AKT3: variants seen among roughly 807,000 people sequenced by gnomAD.
The protein encoded by AKT3 is AKT serine/threonine kinase 3.
AKT3 carries 15 observed loss-of-function variants against 65.3 expected under a neutral mutation model. The ratio of observed to expected loss-of-function variants is 0.23; its 90% CI spans 0.15 to 0.35. The LOEUF is 0.35. Ranked by LOEUF, AKT3 falls within the 10% of genes least tolerant of loss-of-function variation. AKT3 has a pLI of 1.00. For missense variants in AKT3, 243 were observed against 576.5 expected (o/e 0.42, Z 5.92); for synonymous variants, 206 against 183.8 (o/e 1.12, Z -0.98).
At position 243,823,380 on chromosome 1, in the gene AKT3, T is replaced by TC. The variant is rs571445551; in HGVS notation, c.46+19744dup. Among the ~76,000 whole-genome samples, 32 of 152,248 alleles carry TC rather than the reference T, an allele frequency of 2.1e-4. No homozygotes were observed. The East Asian group carries it at 3.9e-3, about 18-fold the overall frequency. On this transcript the variant is annotated intron_variant, in intron 2 of 13. Coordinates refer to ENST00000673466, the MANE Select transcript of AKT3 (RefSeq NM_005465.7). ...AAACTGGCACAAGACAAGGATGCCC[T>TC]CTCCCACTATTCCTATTTAACATAG...
intron 10 of AKT3, among the ~76,000 whole-genome samples, chr1:243,563,258 T>C (rs1271097443): frequency 6.6e-6 from 1 of 152,206 alleles, no homozygotes; most frequent in Non-Finnish European, 1.5e-5. Context: ...GAGCTTCCTC[T>C]GACATAAATT....
intron 5 of AKT3, 101 bp downstream of exon 5, chr1:243,645,792 T>C (rs1457344615): frequency 1.3e-5 from 16 of 1,186,944 alleles, no homozygotes; most frequent in African/African-American, 3.1e-5. Flanking sequence ...TATTTACATA[T>C]CGTAAGAAAA....
In AKT3 at chr1:243,615,128, C is replaced by T; in HGVS notation, c.595G>A (p.Val199Ile). 6.2e-7 allele frequency: 1 copy of T among 1,609,906 alleles called. No individual in the cohort carries two copies. The highest frequency in any genetic ancestry group is 2.2e-5 in the East Asian group (1 of 44,710). The change falls in exon 7 of 14, where the codon GTA (valine) becomes ATA (isoleucine). Residue 199 changes from valine to isoleucine, a missense_variant. Physicochemically the swap from Val to Ile is conservative, Grantham distance 29 (BLOSUM62 3). Around this residue, in one of 6 missense-constraint regions of AKT3, gnomAD observed 61 missense variants for 163.3 expected, o/e 0.37. Coordinates refer to ENST00000673466, the MANE Select transcript of AKT3 (RefSeq NM_005465.7). ...AAGGGATGTCTAGTGTTCTTTAATA[C>T]TCTGCTTTCAGTTAGAGTGTGTGCC... ...EVAHTLTESRVLKNTRHPFLT... is the reference protein window; with the variant it reads ...EVAHTLTESRILKNTRHPFLT...
chr1:243,644,857 T>C (rs933415838), intron 5 of AKT3, among the ~76,000 whole-genome samples: 5 of 152,188 alleles, frequency 3.3e-5, no homozygotes, highest in Non-Finnish European at 5.9e-5. Flanking sequence ...GTTTTTCTTT[T>C]TGCAATGATG....
At chr1:243,532,457 C>G (rs895406544) in intron 12 of AKT3, among the ~76,000 whole-genome samples, 4 of 152,130 alleles carry the variant, frequency 2.6e-5, no homozygotes, top group African/African-American at 9.7e-5. Flanking sequence ...TGGGACATTA[C>G]ACTGATTAAT....
At chr1:243,656,466 C>T (rs751183265) in intron 4 of AKT3, among the ~76,000 whole-genome samples, 1 of 152,090 alleles carries the variant, frequency 6.6e-6, no homozygotes, top group Non-Finnish European at 1.5e-5. Flanking sequence ...TAAAATGATA[C>T]AAGTATACGC....
intron 11 of AKT3, among the ~76,000 whole-genome samples, chr1:243,548,495 T>C (rs1672827212): frequency 6.6e-6 from 1 of 152,228 alleles, no homozygotes; most frequent in Admixed American, 6.5e-5. Flanking sequence ...TTTTAGAAGC[T>C]AGGAGAAATT....
intron 6 of AKT3, among the ~76,000 whole-genome samples, chr1:243,633,882 C>T (rs950119288): frequency 6.6e-6 from 1 of 152,068 alleles, no homozygotes; most frequent in African/African-American, 2.4e-5. Flanking sequence ...CAATTCCATG[C>T]TGTCTCCAAA....
chr1:243,647,094 A>G (rs1680878849), intron 4 of AKT3, among the ~76,000 whole-genome samples: 1 of 152,204 alleles, frequency 6.6e-6, no homozygotes, highest in Non-Finnish European at 1.5e-5. Flanking sequence ...GTATAGCTCT[A>G]CATTTATACA....
At chr1:243,637,297 TAGG>T (rs1680043225) in intron 6 of AKT3, among the ~76,000 whole-genome samples, 1 of 152,090 alleles carries the variant, frequency 6.6e-6, no homozygotes, top group Non-Finnish European at 1.5e-5. Context: ...TTCAGAACGA[TAGG>T]AGAAATTATT....
intron 2 of AKT3, among the ~76,000 whole-genome samples, chr1:243,700,089 A>T (rs552323258): frequency 6.6e-6 from 1 of 152,196 alleles, no homozygotes; most frequent in Admixed American, 6.5e-5. Context: ...CTTTTTATTA[A>T]TTTGTGACAG....
intron 2 of AKT3, among the ~76,000 whole-genome samples, chr1:243,709,839 T>C (rs1199583710): frequency 6.6e-6 from 1 of 152,138 alleles, no homozygotes. Flanking sequence ...TGAACTTTGA[T>C]GCTGTGTTCC....
intron 12 of AKT3, among the ~76,000 whole-genome samples, chr1:243,531,759 T>C (rs1671546733): frequency 6.6e-6 from 1 of 152,210 alleles, no homozygotes; most frequent in Non-Finnish European, 1.5e-5. Context: ...GAGATGTCTT[T>C]CCATTCATTT....
chr1:243,611,653 C>A (rs1234035261), intron 8 of AKT3, among the ~76,000 whole-genome samples: 1 of 150,828 alleles, frequency 6.6e-6, no homozygotes, highest in African/African-American at 2.4e-5. Flanking sequence ...CACTACAATC[C>A]AGCCTGAATG....
At chr1:243,726,874 C>T (rs1335495905) in intron 2 of AKT3, among the ~76,000 whole-genome samples, 2 of 152,218 alleles carry the variant, frequency 1.3e-5, no homozygotes, top group Non-Finnish European at 2.9e-5. Context: ...TGGCATCCTT[C>T]AACAAACTCT....
intron 2 of AKT3, among the ~76,000 whole-genome samples, chr1:243,728,794 T>C (rs1364679079): frequency 6.6e-6 from 1 of 152,210 alleles, no homozygotes; most frequent in Non-Finnish European, 1.5e-5. Flanking sequence ...GCAAGAGTCA[T>C]ATGCCAGACA....
At position 243,583,562 on chromosome 1, in the gene AKT3, AAAAAAG is replaced by A. The variant is rs1553409280; in HGVS notation, c.697-10520_697-10515del. On this transcript the variant is annotated intron_variant, in intron 8 of 13. Transcript: ENST00000673466. ...TCTCAAAAAAAAAAAAAAAAGAAAA[AAAAAAG>A]AAAAAGAAAAAGAAAAACAAACAAA... Among the ~76,000 whole-genome samples, 238 of 114,830 alleles carry A rather than the reference AAAAAAG, an allele frequency of 2.1e-3. 1 individual carries two copies. The highest frequency in any genetic ancestry group is 3.5e-3 in the Non-Finnish European group (162 of 46,200). The allele number at this position is 114,830 out of a possible 152,430, so 75.3% of individuals were successfully genotyped here.
intron 12 of AKT3, among the ~76,000 whole-genome samples, chr1:243,537,808 C>T (rs900124652): frequency 3.3e-5 from 5 of 152,196 alleles, no homozygotes; most frequent in African/African-American, 1.2e-4. Context: ...CACAGATTCC[C>T]AGTTCCTCCA....
intron 8 of AKT3, among the ~76,000 whole-genome samples, chr1:243,586,731 G>A (rs1398952948): frequency 1.3e-5 from 2 of 152,066 alleles, no homozygotes; most frequent in East Asian, 3.9e-4. Flanking sequence ...ACTAGAGGAG[G>A]GGAGGGGTTA....
Sources: gnomAD v4.1 joint callset for allele counts (sites outside exome capture counted in the v4.1 genomes callset) on GRCh38, gnomAD v4.1.1 for gene constraint, gnomAD v4.1.1 regional missense constraint, MANE v1.5 for transcripts, NCBI Gene and HGNC (gene_info 2026-07-23, HGNC 2026-07-21) for gene names.